Variants in APOLD1 observed in about 807,000 individuals in gnomAD.
APOLD1 encodes apolipoprotein L domain-containing protein 1.
Under a neutral mutation model 15.3 loss-of-function variants are expected in APOLD1, and 22 were observed. That is an observed-to-expected ratio of 1.44 (90% CI 1.03 to 2.05). The LOEUF is 2.05. APOLD1 is among the 30% of genes most tolerant of loss of function. APOLD1 has a pLI of 0.00. For missense variants in APOLD1, 394 were observed against 353.5 expected (o/e 1.11, Z -0.92); for synonymous variants, 190 against 167.4 (o/e 1.13, Z -1.04).
At chr12:12,778,508 T>A (rs990588220) in intron 1 of APOLD1, among the ~76,000 whole-genome samples, 20 of 150,868 alleles carry the variant, frequency 1.3e-4, no homozygotes, top group Non-Finnish European at 2.4e-4. Flanking sequence ...TTTTTTTTTT[T>A]ATAGAGATGG....
intron 1 of APOLD1, among the ~76,000 whole-genome samples, chr12:12,742,833 C>T (rs1486970134): frequency 6.6e-6 from 1 of 151,776 alleles, no homozygotes; most frequent in African/African-American, 2.4e-5. Context: ...GGCATGATCT[C>T]GGCTTACTGC....
upstream of APOLD1, among the ~76,000 whole-genome samples, chr12:12,783,480 T>C (rs1947100603): frequency 6.6e-6 from 1 of 151,708 alleles, no homozygotes; most frequent in Admixed American, 6.6e-5. Context: ...ACAGCTGTTT[T>C]TTTTGTATTT....
chr12:12,755,353 T>C (rs973609655), intron 1 of APOLD1, among the ~76,000 whole-genome samples: 7 of 152,130 alleles, frequency 4.6e-5, no homozygotes, highest in Admixed American at 3.3e-4. Context: ...ATTTTTATGG[T>C]CTTGCGTAGG....
intron 1 of APOLD1, among the ~76,000 whole-genome samples, chr12:12,760,996 G>A (rs1946894300): frequency 6.6e-6 from 1 of 152,124 alleles, no homozygotes; most frequent in South Asian, 2.1e-4. Flanking sequence ...GAACATATTC[G>A]TGCTTTTGAG....
intron 1 of APOLD1, among the ~76,000 whole-genome samples, chr12:12,750,161 T>A (rs963298848): frequency 2.6e-5 from 4 of 151,710 alleles, no homozygotes; most frequent in African/African-American, 9.7e-5. Context: ...TCACCTGAGG[T>A]TGGGAGTTCG....
chr12:12,740,246 G>T (rs1299521540), intron 1 of APOLD1, among the ~76,000 whole-genome samples: 1 of 152,158 alleles, frequency 6.6e-6, no homozygotes, highest in Non-Finnish European at 1.5e-5. Context: ...CTCCCAAAGT[G>T]CTGGGATTAC....
At position 12,768,524 on chromosome 12, in the gene APOLD1, C is replaced by A. The variant is rs115281129; in HGVS notation, c.97-18385C>A. Among the ~76,000 whole-genome samples the A allele has an allele frequency of 2.6e-3, 399 of 152,144 alleles. 1 individual carries two copies. The highest frequency in any genetic ancestry group is 9.2e-3 in the African/African-American group (382 of 41,516). On this transcript the variant is annotated intron_variant, in intron 1 of 1. Transcript: ENST00000326765. ...AAAAAAACCAACCAGGTGTCATGCA[C>A]CTGTGGAGTCCCAGCTACTCAGGAG...
At chr12:12,734,332 T>C (rs1282718191) in intron 1 of APOLD1, among the ~76,000 whole-genome samples, 7 of 152,244 alleles carry the variant, frequency 4.6e-5, no homozygotes, top group Admixed American at 4.6e-4. Context: ...CTTAGATTAG[T>C]TACTTAGGAC....
rs1555087110 is a variant in APOLD1, at chr12:12,729,351, A to AT, written c.96+3260dup. Among the ~76,000 whole-genome samples the AT allele has an allele frequency of 0.019, 2,119 of 113,240 alleles. 167 individuals carry two copies. The East Asian group carries it at 0.26, about 14-fold the overall frequency. The allele number at this position is 113,240 out of a possible 152,430, so 74.3% of individuals were successfully genotyped here. A position where few individuals can be genotyped will look rare whatever the true frequency, so the allele number is the denominator to read the frequency against. Reference sequence around the variant, plus strand: ...GACATGCAAGGAGAAACCTCAAAGGATTTTTAAAAAAATCTCAGAGTTGGG... The same window carrying AT: ...GACATGCAAGGAGAAACCTCAAAGGATTTTTTAAAAAAATCTCAGAGTTGGG... On this transcript the variant is annotated intron_variant, in intron 1 of 1. Coordinates refer to the APOLD1 transcript ENST00000326765.
intron 1 of APOLD1, among the ~76,000 whole-genome samples, chr12:12,734,751 C>T (rs951936257): frequency 2.0e-5 from 3 of 152,170 alleles, no homozygotes; most frequent in Non-Finnish European, 4.4e-5. Flanking sequence ...AAAAAAAGCA[C>T]GTGAATGTGT....
intron 1 of APOLD1, among the ~76,000 whole-genome samples, chr12:12,728,649 C>A (rs1946612527): frequency 1.9e-5 from 2 of 104,292 alleles, no homozygotes; most frequent in African/African-American, 4.0e-5. Flanking sequence ...GCCTGGGCAA[C>A]AGTGAGACCC....
intron 1 of APOLD1, among the ~76,000 whole-genome samples, chr12:12,766,636 G>T (rs1946944424): frequency 6.6e-6 from 1 of 152,140 alleles, no homozygotes; most frequent in Admixed American, 6.5e-5. Flanking sequence ...ATCACCTAAG[G>T]TCAGGAGTTT....
intron 1 of APOLD1, among the ~76,000 whole-genome samples, chr12:12,747,404 G>A (rs1164293393): frequency 2.0e-5 from 3 of 152,166 alleles, no homozygotes; most frequent in African/African-American, 4.8e-5. Context: ...GATTTAATTG[G>A]CAAATTTGGG....
intron 1 of APOLD1, among the ~76,000 whole-genome samples, chr12:12,776,651 A>G (rs1685333858): frequency 6.6e-6 from 1 of 152,264 alleles, no homozygotes; most frequent in Admixed American, 6.5e-5. Context: ...ACACATTAGG[A>G]AGCCTGGGAC....
chr12:12,745,075 C>T (rs369323618), intron 1 of APOLD1, among the ~76,000 whole-genome samples: 6 of 152,106 alleles, frequency 3.9e-5, no homozygotes, highest in East Asian at 1.9e-4. Context: ...ACTGGCAATA[C>T]CTCCCTTCCT....
intron 1 of APOLD1, among the ~76,000 whole-genome samples, chr12:12,735,064 G>A (rs1426309220): frequency 6.6e-6 from 1 of 152,096 alleles, no homozygotes; most frequent in Non-Finnish European, 1.5e-5. Context: ...CCCCAAGCCA[G>A]CCTGTGTTTA....
intron 1 of APOLD1, chr12:12,764,706 A>G (rs548428536): frequency 3.7e-5 from 19 of 508,586 alleles, no homozygotes; most frequent in Admixed American, 3.4e-4. Context: ...TATACAATAC[A>G]GTAGGAATGT....
intron 1 of APOLD1, among the ~76,000 whole-genome samples, chr12:12,780,113 A>G (rs979333850): frequency 6.6e-5 from 10 of 152,154 alleles, no homozygotes; most frequent in African/African-American, 2.4e-4. Context: ...TAAGTGAACA[A>G]AGCATTTTTC....
chr12:12,783,357 C>T (rs1947099256), upstream of APOLD1, among the ~76,000 whole-genome samples: 1 of 152,070 alleles, frequency 6.6e-6, no homozygotes, highest in Non-Finnish European at 1.5e-5. Flanking sequence ...GTTACCCAGG[C>T]TGGAGTGCAG....
Sources: gnomAD v4.1 joint callset for allele counts (sites outside exome capture counted in the v4.1 genomes callset) on GRCh38, gnomAD v4.1.1 for gene constraint, MANE v1.5 for transcripts, NCBI Gene and HGNC (gene_info 2026-07-23, HGNC 2026-07-21) for gene names.